CDKN3: variants seen among roughly 807,000 people sequenced by gnomAD.
CDKN3 encodes the protein cyclin-dependent kinase inhibitor 3.
CDKN3 carries 19 observed loss-of-function variants against 36.1 expected under a neutral mutation model. That is an observed-to-expected ratio of 0.53 (90% CI 0.37 to 0.77). The LOEUF is 0.77. Ranked by LOEUF, CDKN3 falls within the 30% of genes least tolerant of loss-of-function variation. The pLI is 0.00. For missense variants in CDKN3, 188 were observed against 248.6 expected, an observed-to-expected ratio of 0.76 and a Z score of 1.64; for synonymous variants, 71 against 85.3, an observed-to-expected ratio of 0.83 and a Z score of 0.92.
At chr14:54,419,615 C>A (rs1214165500) in intron 7 of CDKN3, among the ~76,000 whole-genome samples, 1 of 152,046 alleles carries the variant, frequency 6.6e-6, no homozygotes, top group Non-Finnish European at 1.5e-5. Flanking sequence ...TTAAATATAC[C>A]AGTTACTTGC....
chr14:54,401,594 A>G lies in CDKN3; in HGVS notation c.148+15A>G, dbSNP rs1329551592. On this transcript the variant is annotated intron_variant, in intron 3 of 7. Coordinates refer to ENST00000335183, the MANE Select transcript of CDKN3 (RefSeq NM_005192.4). ...TGCTCTTCCAGGTGGGTAACACAAT[A>G]ATGGGCTTCCTATCAATATGTATAT... 2 of 1,550,878 alleles carry G rather than the reference A, an allele frequency of 1.3e-6. No individual in the cohort carries two copies. Among genetic ancestry groups the G allele is most frequent in the South Asian group, 2.3e-5 (2 of 86,632 alleles).
At chr14:54,408,589 G>A (rs2030242752) in intron 3 of CDKN3, 156 bp from the exon 4 acceptor site, 1 of 858,204 alleles carries the variant, frequency 1.2e-6, no homozygotes, top group East Asian at 3.5e-5. Context: ...TATATTCCTA[G>A]AAATATAAGA....
intron 5 of CDKN3, chr14:54,413,801 GAAC>G (rs2030439419): frequency 4.2e-6 from 6 of 1,424,760 alleles, no homozygotes; most frequent in Non-Finnish European, 5.5e-6. Context: ...TAAAATTAGT[GAAC>G]AACACTGCTT....
At chr14:54,397,114 G>A in intron 1 of CDKN3, 37 bp downstream of exon 1, 1 of 1,476,148 alleles carries the variant, frequency 6.8e-7, no homozygotes, top group South Asian at 1.3e-5. Context: ...GGAGCGAGGC[G>A]GCAGGGACGC....
chr14:54,418,246 C>T (rs1472872992), intron 7 of CDKN3: 2 of 702,256 alleles, frequency 2.8e-6, no homozygotes, highest in Non-Finnish European at 5.2e-6. Context: ...TGCCCCAGTC[C>T]GTTTTGGGAA....
chr14:54,402,309 C>CGTGTGTGT (rs35529322), intron 3 of CDKN3, among the ~76,000 whole-genome samples: 166 of 147,824 alleles, frequency 1.1e-3, no homozygotes, highest in African/African-American at 3.8e-3. Context: ...CATGTGTGTG[C>CGTGTGTGT]GTGTGTGTGT....
chr14:54,416,061 A>C, intron 6 of CDKN3, 131 bp downstream of exon 6: 1 of 704,642 alleles, frequency 1.4e-6, no homozygotes, highest in Non-Finnish European at 2.5e-6. Context: ...AGGATTACTT[A>C]AGGCCCTAAA....
Position 54,420,095 on chromosome 14 carries a change from TA to T in CDKN3, c.*18del. On this transcript the variant is annotated 3_prime_UTR_variant, in exon 8 of 8. Transcript: ENST00000335183. ...TCAAGATAAAGGAATTCAAATAGCA[TA>T]TATATGACCATGTCTGAAATGTCAG... is the stretch of plus-strand genomic sequence containing the variant. The T allele has an allele frequency of 7.3e-7, 1 of 1,375,810 alleles. No individual in the cohort carries two copies. The highest frequency in any genetic ancestry group is 1.0e-6 in the Non-Finnish European group (1 of 965,336). 85.2% of individuals were successfully genotyped at this position (1,375,810 alleles called of 1,614,324 possible).
chr14:54,412,792 A>G, intron 5 of CDKN3: 2 of 465,106 alleles, frequency 4.3e-6, no homozygotes, highest in Non-Finnish European at 4.3e-6. Flanking sequence ...TGCCGTGCAT[A>G]ATGTATATTT....
chr14:54,402,069 A>T (rs1320601858), intron 3 of CDKN3, among the ~76,000 whole-genome samples: 3 of 152,008 alleles, frequency 2.0e-5, no homozygotes, highest in African/African-American at 7.2e-5. Flanking sequence ...TTAGCTGGGC[A>T]TGGTGGCACG....
intron 5 of CDKN3, among the ~76,000 whole-genome samples, chr14:54,412,128 C>T (rs1034922840): frequency 1.3e-5 from 2 of 152,114 alleles, no homozygotes; most frequent in African/African-American, 2.4e-5. Context: ...CGCCTGTAAT[C>T]CCAGCATTTT....
At chr14:54,407,701 C>A (rs1218767907) in intron 3 of CDKN3, among the ~76,000 whole-genome samples, 1 of 152,200 alleles carries the variant, frequency 6.6e-6, no homozygotes. Context: ...CTCCCCCCAC[C>A]AAGCTGGAAC....
chr14:54,409,855 G>C (rs895550012), intron 4 of CDKN3, among the ~76,000 whole-genome samples: 7 of 148,264 alleles, frequency 4.7e-5, no homozygotes, highest in East Asian at 4.1e-4. Context: ...TTGCATTACT[G>C]CACTCCAACC....
chr14:54,402,535 CAGA>C (rs2139969331), intron 3 of CDKN3, among the ~76,000 whole-genome samples: 1 of 152,266 alleles, frequency 6.6e-6, no homozygotes, highest in African/African-American at 2.4e-5. Flanking sequence ...TTTTGCTGTG[CAGA>C]AGCTCTTTAG....
At chr14:54,413,632 T>C (rs951616987) in intron 5 of CDKN3, 3 of 1,535,264 alleles carry the variant, frequency 2.0e-6, no homozygotes, top group Non-Finnish European at 2.6e-6. Context: ...CTACGGTGAC[T>C]AGTTTATTTT....
chr14:54,413,689 A>T, intron 5 of CDKN3: 1 of 1,534,764 alleles, frequency 6.5e-7, no homozygotes, highest in Non-Finnish European at 8.7e-7. Context: ...AGACAGCTAT[A>T]GAGCTTATCC....
chr14:54,412,225 A>G (rs541539789), intron 5 of CDKN3, among the ~76,000 whole-genome samples: 1 of 152,206 alleles, frequency 6.6e-6, no homozygotes, highest in East Asian at 1.9e-4. Context: ...CGCAAAAAGT[A>G]TACAAAAGAA....
chr14:54,414,689 G>T (rs1055679909), intron 5 of CDKN3, among the ~76,000 whole-genome samples: 4 of 150,156 alleles, frequency 2.7e-5, no homozygotes, highest in Non-Finnish European at 5.9e-5. Context: ...AGGACTTCAG[G>T]TGTGCGCCAC....
At chr14:54,417,406 AT>A (rs2030586961) in intron 6 of CDKN3, among the ~76,000 whole-genome samples, 1 of 152,264 alleles carries the variant, frequency 6.6e-6, no homozygotes, top group Non-Finnish European at 1.5e-5. Context: ...ACACAAAAAA[AT>A]ATTGTATGTT....
Sources: allele counts gnomAD v4.1 joint callset (sites outside exome capture counted in the v4.1 genomes callset), GRCh38; gene constraint gnomAD v4.1.1; transcripts MANE v1.5; gene names NCBI Gene and HGNC (gene_info 2026-07-23, HGNC 2026-07-21).